RMDN2: variants seen among roughly 807,000 people sequenced by gnomAD.
The protein encoded by RMDN2 is regulator of microtubule dynamics 2, also known as regulator of microtubule dynamics protein 2.
RMDN2 carries 61 observed loss-of-function variants against 52.8 expected under a neutral mutation model. That is an observed-to-expected ratio of 1.16 (90% CI 0.94 to 1.43). RMDN2 has a LOEUF of 1.43. Among genes scored for constraint, RMDN2 ranks in the 40% most tolerant of loss-of-function variants. The pLI, the probability that RMDN2 is intolerant of heterozygous loss-of-function variation, is 0.00. For missense variants in RMDN2, 592 were observed against 475.3 expected (o/e 1.25, Z -2.28); for synonymous variants, 180 against 153.1 (o/e 1.18, Z -1.30).
At chr2:37,984,466 A>G (rs1673729703) in intron 5 of RMDN2, among the ~76,000 whole-genome samples, 1 of 152,234 alleles carries the variant, frequency 6.6e-6, no homozygotes, top group Non-Finnish European at 1.5e-5. Flanking sequence ...TACTGTGTGT[A>G]TGTGTGCATG....
upstream of RMDN2, among the ~76,000 whole-genome samples, chr2:37,923,576 G>A (rs1369156205): frequency 6.6e-6 from 1 of 152,172 alleles, no homozygotes; most frequent in Non-Finnish European, 1.5e-5. Context: ...AAATTGTTTT[G>A]CATGATCGGT....
At position 38,010,224 on chromosome 2, in the gene RMDN2, A is replaced by G. The variant is rs141379382; in HGVS notation, c.1179+6008A>G. Among the ~76,000 whole-genome samples, 346 of 151,926 alleles carry G rather than the reference A, an allele frequency of 2.3e-3. 2 individuals carry two copies. The highest frequency in any genetic ancestry group is 2.5e-3 in the Non-Finnish European group (167 of 67,914). On this transcript the variant is annotated intron_variant, in intron 10 of 10. Coordinates refer to ENST00000354545, the MANE Select transcript of RMDN2 (RefSeq NM_001170791.3). Reference sequence around the variant, plus strand: ...CCAGCTGCGTGCTGGGAGAACCACTACTCTCTTCAGTGCTGTCAGACAGGG... The same window carrying G: ...CCAGCTGCGTGCTGGGAGAACCACTGCTCTCTTCAGTGCTGTCAGACAGGG...
chr2:38,031,341 A>T (rs957241677), intron 10 of RMDN2, among the ~76,000 whole-genome samples: 1 of 143,492 alleles, frequency 7.0e-6, no homozygotes, highest in Non-Finnish European at 1.5e-5. Context: ...AGATGCAATC[A>T]TAGCTCACTG....
chr2:38,007,313 T>A (rs375984645), intron 10 of RMDN2, among the ~76,000 whole-genome samples: 1 of 152,180 alleles, frequency 6.6e-6, no homozygotes, highest in Non-Finnish European at 1.5e-5. Context: ...TGGTAGAATT[T>A]GGCTGTGAAT....
chr2:37,991,146 C>T (rs1674735726), intron 6 of RMDN2, 74 bp from the exon 7 acceptor site: 1 of 718,758 alleles, frequency 1.4e-6, no homozygotes, highest in Non-Finnish European at 2.3e-6. Context: ...TTTTGAGTTA[C>T]TAGGCTTTGG....
intron 2 of RMDN2, chr2:37,950,572 A>C (rs1035562481): frequency 5.6e-6 from 9 of 1,613,218 alleles, no homozygotes; most frequent in Middle Eastern, 1.7e-4. Flanking sequence ...TTTGGATTAA[A>C]TTTACAATGG....
At chr2:37,953,787 T>C (rs1023464328) in intron 2 of RMDN2, among the ~76,000 whole-genome samples, 16 of 152,096 alleles carry the variant, frequency 1.1e-4, no homozygotes, top group African/African-American at 3.9e-4. Flanking sequence ...CCATAGTGGC[T>C]GCACCATTTT....
chr2:38,003,896 T>A (rs1676694339), intron 8 of RMDN2, 95 bp from the exon 9 acceptor site: 2 of 989,534 alleles, frequency 2.0e-6, no homozygotes, highest in African/African-American at 1.6e-5. Context: ...GTTTGGTTCA[T>A]AATATTTGAT....
intron 2 of RMDN2, among the ~76,000 whole-genome samples, chr2:37,957,820 G>T (rs773454235): frequency 2.2e-4 from 33 of 152,096 alleles, no homozygotes; most frequent in African/African-American, 7.2e-4. Context: ...GTTGATTTTT[G>T]TATAAGGTAT....
chr2:37,932,873 C>CA (rs1333524145), intron 2 of RMDN2, among the ~76,000 whole-genome samples: 1 of 144,050 alleles, frequency 6.9e-6, no homozygotes, highest in East Asian at 2.2e-4. Flanking sequence ...GGCTGACCCC[C>CA]CCACCTCCCT....
At chr2:38,040,524 C>G (rs1426825388) in intron 10 of RMDN2, among the ~76,000 whole-genome samples, 1 of 152,182 alleles carries the variant, frequency 6.6e-6, no homozygotes, top group East Asian at 1.9e-4. Flanking sequence ...GACACCACAT[C>G]TGCTGGTACA....
At chr2:37,951,488 C>G in intron 2 of RMDN2, 3 of 1,612,140 alleles carry the variant, frequency 1.9e-6, no homozygotes, top group Non-Finnish European at 2.5e-6. Context: ...CTTCCCCTTA[C>G]TGGCAACAAA....
At position 38,001,197 on chromosome 2, in the gene RMDN2, A is replaced by G. The variant is rs1406010904; in HGVS notation, c.1045-2794A>G. Among the ~76,000 whole-genome samples, 3 of 152,374 alleles carry G rather than the reference A, an allele frequency of 2.0e-5. No individual in the cohort carries two copies. In the East Asian group the frequency reaches 5.8e-4, roughly 29 times the overall value. On this transcript the variant is annotated intron_variant, in intron 8 of 10. Coordinates refer to ENST00000354545, the MANE Select transcript of RMDN2 (RefSeq NM_001170791.3). ...TTGTTCAACAGTGTTTATTAAGCAC[A>G]TAACTAGTGCCAAACATGGCATCAA...
At position 38,012,375 on chromosome 2, in the gene RMDN2, C is replaced by G. The variant is rs138428646; in HGVS notation, c.1180-4811C>G. ...AAGTAACAACCAGGTTTGTCTCATT[C>G]ATCACTGTACCCCTAATCCTGTGTA... is the stretch of plus-strand genomic sequence containing the variant. On this transcript the variant is annotated intron_variant, in intron 10 of 10. Transcript: ENST00000354545. 1.4e-4 allele frequency among the ~76,000 whole-genome samples: 22 copies of G among 152,290 alleles called. No homozygotes were observed. In the East Asian group the frequency reaches 4.0e-3, roughly 28 times the overall value.
intron 2 of RMDN2, among the ~76,000 whole-genome samples, chr2:37,946,681 G>T (rs1668248093): frequency 6.6e-6 from 1 of 152,164 alleles, no homozygotes; most frequent in African/African-American, 2.4e-5. Context: ...TGAGATTCAA[G>T]ACTATATACT....
At chr2:37,921,823 C>T (rs80259872), upstream of RMDN2, among the ~76,000 whole-genome samples, 1 of 152,124 alleles carries the variant, frequency 6.6e-6, no homozygotes, top group Non-Finnish European at 1.5e-5. Context: ...GGTTTCCTCA[C>T]CTGTATGTTA....
chr2:37,980,813 G>A (rs1345560850), intron 4 of RMDN2, among the ~76,000 whole-genome samples: 1 of 150,304 alleles, frequency 6.7e-6, no homozygotes, highest in African/African-American at 2.4e-5. Context: ...TTTCTTGCAT[G>A]TAACTTACTT....
At chr2:38,066,821 C>G (rs1379006319) in intron 10 of RMDN2, 2 of 619,304 alleles carry the variant, frequency 3.2e-6, no homozygotes, top group Admixed American at 2.8e-5. Flanking sequence ...ACTGTCCTGA[C>G]ATTTCCAAGA....
chr2:38,061,113 T>G (rs189971328), intron 10 of RMDN2, among the ~76,000 whole-genome samples: 5 of 152,332 alleles, frequency 3.3e-5, no homozygotes, highest in African/African-American at 1.2e-4. Context: ...AAGAGCCTGT[T>G]TGTTCTCTGG....
Sources: gnomAD v4.1 joint callset for allele counts (sites outside exome capture counted in the v4.1 genomes callset) on GRCh38, gnomAD v4.1.1 for gene constraint, MANE v1.5 for transcripts, NCBI Gene and HGNC (gene_info 2026-07-23, HGNC 2026-07-21) for gene names.